The following TBC1D5 variants were observed in gnomAD, a reference collection of about 807,000 sequenced individuals.
TBC1D5 encodes the protein TBC1 domain family member 5, also known as TBC1 domain family, member 5.
A neutral mutation model predicts 100.3 loss-of-function variants in TBC1D5; 75 were observed. The observed-to-expected ratio is 0.75, with a 90% CI of 0.62 to 0.91. The LOEUF is 0.91. Ranked by LOEUF, TBC1D5 falls within the 40% of genes least tolerant of loss-of-function variation. The pLI, the probability that TBC1D5 is intolerant of heterozygous loss-of-function variation, is 0.00. For synonymous variants in TBC1D5, 323 were observed against 325.6 expected (o/e 0.99, Z 0.09); for missense variants, 910 against 942.4 (o/e 0.97, Z 0.45).
chr3:17,581,018 T>C (rs1369220156), intron 2 of TBC1D5, among the ~76,000 whole-genome samples: 1 of 152,128 alleles, frequency 6.6e-6, no homozygotes, highest in East Asian at 1.9e-4. Flanking sequence ...ACTCCCATAA[T>C]CCCCACGTGT....
chr3:17,158,206 G>A (rs2065753564), exon 22 of TBC1D5: 1 of 152,208 alleles, frequency 6.6e-6, no homozygotes, highest in South Asian at 2.1e-4. Context: ...AAAGAGGAAT[G>A]CATGAAACAC....
At chr3:17,258,694 G>C (rs1030487188) in intron 15 of TBC1D5, 103 bp from the exon 16 acceptor site, 1 of 825,508 alleles carries the variant, frequency 1.2e-6, no homozygotes, top group African/African-American at 1.8e-5. Flanking sequence ...AAAAGAATAT[G>C]TATAATATAA....
At chr3:17,331,249 A>G (rs904098512) in intron 13 of TBC1D5, among the ~76,000 whole-genome samples, 8 of 152,078 alleles carry the variant, frequency 5.3e-5, no homozygotes, top group African/African-American at 1.9e-4. Context: ...TCCCAACTCC[A>G]GCCCCTCTAA....
intron 13 of TBC1D5, 46 bp downstream of exon 13, chr3:17,372,027 ACT>A (rs761674120): frequency 5.1e-6 from 4 of 782,910 alleles, no homozygotes; most frequent in Admixed American, 2.3e-5. Context: ...AAAGATGGAG[ACT>A]CTGTCTCAAA....
intron 3 of TBC1D5, among the ~76,000 whole-genome samples, chr3:17,490,855 G>A (rs114927939): frequency 0.028 from 4,242 of 152,152 alleles, 102 homozygotes; most frequent in Non-Finnish European, 0.05. Context: ...GAATGTCAAT[G>A]GTAATTTAAT....
chr3:17,185,061 T>C (rs772811548), intron 19 of TBC1D5, 48 bp downstream of exon 20: 21 of 1,538,838 alleles, frequency 1.4e-5, no homozygotes, highest in Non-Finnish European at 1.8e-5. Flanking sequence ...CTAGTGGCTA[T>C]TATTGTGATG....
chr3:17,601,994 T>C (rs2060985961), intron 2 of TBC1D5, among the ~76,000 whole-genome samples: 1 of 152,038 alleles, frequency 6.6e-6, no homozygotes, highest in South Asian at 2.1e-4. Flanking sequence ...CACGCCTGGC[T>C]AATTTTTTTT....
chr3:17,577,198 A>T (rs1030032421), intron 2 of TBC1D5, among the ~76,000 whole-genome samples: 1 of 151,996 alleles, frequency 6.6e-6, no homozygotes, highest in Non-Finnish European at 1.5e-5. Flanking sequence ...GCATATAAAA[A>T]TTTCTTGAGT....
chr3:17,341,561 C>T (rs1286755082), intron 13 of TBC1D5, among the ~76,000 whole-genome samples: 1 of 152,010 alleles, frequency 6.6e-6, no homozygotes, highest in Non-Finnish European at 1.5e-5. Flanking sequence ...CCTGGAGATG[C>T]CAGTTACTTT....
chr3:17,741,694 T>C (rs943254781), upstream of TBC1D5, among the ~76,000 whole-genome samples: 1 of 151,946 alleles, frequency 6.6e-6, no homozygotes, highest in Admixed American at 6.6e-5. Context: ...GAGTAACTGG[T>C]ATCGAACAAA....
chr3:17,725,083 T>C (rs1222795345), intron 1 of TBC1D5, among the ~76,000 whole-genome samples: 1 of 152,324 alleles, frequency 6.6e-6, no homozygotes, highest in Non-Finnish European at 1.5e-5. Flanking sequence ...ATATTTCCAA[T>C]ATCCAAAGTT....
chr3:17,713,565 C>T (rs2074960113), intron 1 of TBC1D5, among the ~76,000 whole-genome samples: 1 of 151,968 alleles, frequency 6.6e-6, no homozygotes, highest in Non-Finnish European at 1.5e-5. Context: ...TTTCAAACGA[C>T]AACTCAACAA....
chr3:17,489,208 G>A (rs187155150), intron 3 of TBC1D5, among the ~76,000 whole-genome samples: 88 of 151,402 alleles, frequency 5.8e-4, no homozygotes, highest in African/African-American at 2.1e-3. Flanking sequence ...TAAGCAAGTA[G>A]TAGTTTGCCT....
rs2095442690 is a variant in TBC1D5, at chr3:17,476,746, A to G, written c.97+31728T>C. ...TCCATGATCATGGTGTGTCCTCTAT[A>G]TTTATTCAGGTCTTCTTAAATGTCT... On this transcript the variant is annotated intron_variant, in intron 3 of 21. Coordinates refer to ENST00000253692, the Ensembl canonical transcript of TBC1D5. Among the ~76,000 whole-genome samples, 3 of 151,908 alleles carry G rather than the reference A, an allele frequency of 2.0e-5. No individual in the cohort carries two copies. The South Asian group carries it at 6.2e-4, about 31-fold the overall frequency.
At chr3:17,716,830 T>A (rs889959472) in intron 1 of TBC1D5, among the ~76,000 whole-genome samples, 1 of 152,180 alleles carries the variant, frequency 6.6e-6, no homozygotes. Context: ...TTGTTTTTAT[T>A]TTATACATAA....
At chr3:17,502,094 TG>T (rs1227337930) in intron 3 of TBC1D5, among the ~76,000 whole-genome samples, 5 of 149,534 alleles carry the variant, frequency 3.3e-5, no homozygotes, top group Non-Finnish European at 7.4e-5. Flanking sequence ...TCCCTCTTCC[TG>T]TCTTTGCTCT....
At chr3:17,485,131 T>G (rs2095546414) in intron 3 of TBC1D5, among the ~76,000 whole-genome samples, 1 of 152,098 alleles carries the variant, frequency 6.6e-6, no homozygotes, top group Admixed American at 6.5e-5. Context: ...CTATTTAGGA[T>G]TTACCTAAAT....
At chr3:17,381,252 T>C (rs971555761) in intron 9 of TBC1D5, among the ~76,000 whole-genome samples, 2 of 152,072 alleles carry the variant, frequency 1.3e-5, no homozygotes, top group Non-Finnish European at 2.9e-5. Flanking sequence ...TGCACAGTTA[T>C]TATGTTTTTG....
intron 3 of TBC1D5, among the ~76,000 whole-genome samples, chr3:17,506,654 T>C (rs537400670): frequency 1.3e-5 from 2 of 152,256 alleles, no homozygotes; most frequent in South Asian, 4.2e-4. Context: ...TAACTTAGTA[T>C]GTCATAGAAA....
Sources: allele counts gnomAD v4.1 joint callset (sites outside exome capture counted in the v4.1 genomes callset), GRCh38; gene constraint gnomAD v4.1.1; transcripts MANE v1.5; gene names NCBI Gene and HGNC (gene_info 2026-07-23, HGNC 2026-07-21).